KAZN: variants seen among roughly 807,000 people sequenced by gnomAD.
The protein encoded by KAZN is kazrin.
A neutral mutation model predicts 87.4 loss-of-function variants in KAZN; 40 were observed. The ratio of observed to expected loss-of-function variants is 0.46; its 90% CI spans 0.36 to 0.60. KAZN has a LOEUF of 0.60. Among genes scored for constraint, KAZN ranks in the 20% least tolerant of loss-of-function variants. KAZN has a pLI of 0.00. For synonymous variants in KAZN, 466 were observed against 458.3 expected, an observed-to-expected ratio of 1.02 and a Z score of -0.22; for missense variants, 898 against 1,073.9, an observed-to-expected ratio of 0.84 and a Z score of 2.29.
intron 8 of KAZN, among the ~76,000 whole-genome samples, chr1:15,093,525 T>C (rs1446906379): frequency 6.6e-6 from 1 of 152,146 alleles, no homozygotes; most frequent in Non-Finnish European, 1.5e-5. Flanking sequence ...AAATAATCAT[T>C]CGTGCCTTTG....
chr1:15,057,078 G>A (rs187586054), intron 5 of KAZN, among the ~76,000 whole-genome samples: 2 of 152,368 alleles, frequency 1.3e-5, no homozygotes, highest in South Asian at 2.1e-4. Context: ...ACACAGCCCT[G>A]ACCTACAAGG....
chr1:14,176,825 C>T (rs953816652), intron 1 of KAZN, among the ~76,000 whole-genome samples: 1 of 152,172 alleles, frequency 6.6e-6, no homozygotes, highest in African/African-American at 2.4e-5. Context: ...ATCTTTAACA[C>T]AGTCTACCTT....
chr1:14,229,647 AG>A lies in KAZN; in HGVS notation c.249+49058del, dbSNP rs984645391. On this transcript the variant is annotated intron_variant, in intron 2 of 16. Transcript: ENST00000636203. ...ATCTTATTCATATAAGGGCCCTCTAAGGGTGTCCTTCACCTAACATCAGTCA... is the reference window on the plus strand; with the variant it reads ...ATCTTATTCATATAAGGGCCCTCTAAGGTGTCCTTCACCTAACATCAGTCA... Among the ~76,000 whole-genome samples, 6 of 152,252 alleles carry A rather than the reference AG, an allele frequency of 3.9e-5. No individual in the cohort carries two copies. In the South Asian group the frequency reaches 1.0e-3, roughly 26 times the overall value.
At chr1:14,378,430 G>A (rs578055806) in intron 2 of KAZN, among the ~76,000 whole-genome samples, 1 of 152,206 alleles carries the variant, frequency 6.6e-6, no homozygotes. Flanking sequence ...CAAAAATCAG[G>A]TGAATACTCC....
intron 2 of KAZN, among the ~76,000 whole-genome samples, chr1:14,553,317 C>T (rs896113557): frequency 1.1e-4 from 16 of 152,086 alleles, no homozygotes; most frequent in African/African-American, 2.4e-4. Flanking sequence ...GCCAAGATCG[C>T]GCCACTGCAC....
intron 1 of KAZN, among the ~76,000 whole-genome samples, chr1:14,098,844 T>C (rs1338458562): frequency 1.3e-5 from 2 of 152,238 alleles, no homozygotes; most frequent in African/African-American, 2.4e-5. Context: ...TTCTCATGTA[T>C]GCCTTCTGCT....
chr1:15,091,182 T>G lies in KAZN; in HGVS notation c.1223-2998T>G, dbSNP rs547879833. ...TCACTTCTTTTCCAGAGACAGACTT[T>G]TCATGTTGATCCATCTAGTACTTTA... is the stretch of plus-strand genomic sequence containing the variant. On this transcript the variant is annotated intron_variant, in intron 8 of 14. Transcript: ENST00000376030. Among the ~76,000 whole-genome samples, 3 of 152,306 alleles carry G rather than the reference T, an allele frequency of 2.0e-5. No individual in the cohort carries two copies. In the South Asian group the frequency reaches 6.2e-4, roughly 32 times the overall value.
At chr1:13,958,397 C>T (rs549299878) in intron 1 of KAZN, among the ~76,000 whole-genome samples, 2 of 151,774 alleles carry the variant, frequency 1.3e-5, no homozygotes, top group African/African-American at 2.4e-5. Flanking sequence ...GGTGAAACCC[C>T]GTCTCTACTA....
At chr1:14,520,561 C>T (rs1009323015) in intron 2 of KAZN, among the ~76,000 whole-genome samples, 2 of 152,162 alleles carry the variant, frequency 1.3e-5, no homozygotes, top group Non-Finnish European at 2.9e-5. Context: ...CAAGAGAGCT[C>T]CTCTGACTTC....
intron 2 of KAZN, among the ~76,000 whole-genome samples, chr1:14,201,587 C>T (rs534720245): frequency 4.5e-4 from 69 of 152,348 alleles, no homozygotes; most frequent in African/African-American, 1.5e-3. Context: ...GCCCCAGCAT[C>T]AGTGCATCTC....
intron 2 of KAZN, among the ~76,000 whole-genome samples, chr1:14,994,510 G>C (rs1007090369): frequency 6.6e-6 from 1 of 152,250 alleles, no homozygotes; most frequent in Non-Finnish European, 1.5e-5. Flanking sequence ...ACACAGTTGA[G>C]CATTTCTCAG....
At chr1:14,799,203 C>A (rs804130) in intron 1 of KAZN, among the ~76,000 whole-genome samples, 99,322 of 152,082 alleles carry the variant, frequency 0.65, 32,547 homozygotes, top group East Asian at 0.73. Context: ...TGTTTAAGGC[C>A]CCCTCTTAAT....
At chr1:14,319,859 G>T (rs1439911566) in intron 2 of KAZN, among the ~76,000 whole-genome samples, 1 of 152,164 alleles carries the variant, frequency 6.6e-6, no homozygotes, top group Admixed American at 6.5e-5. Context: ...GAAGCAGAAG[G>T]TCTTTATAGA....
chr1:14,098,710 A>T (rs1434052656), intron 1 of KAZN, among the ~76,000 whole-genome samples: 1 of 152,184 alleles, frequency 6.6e-6, no homozygotes, highest in Non-Finnish European at 1.5e-5. Flanking sequence ...GAGTAGCTCC[A>T]CTGGAGACCA....
intron 1 of KAZN, among the ~76,000 whole-genome samples, chr1:14,623,409 C>T (rs1045594517): frequency 2.6e-5 from 4 of 152,068 alleles, no homozygotes; most frequent in Non-Finnish European, 4.4e-5. Flanking sequence ...TAAGTGGGAG[C>T]GAAACATTGA....
intron 2 of KAZN, among the ~76,000 whole-genome samples, chr1:14,574,269 G>T (rs138636294): frequency 1.3e-5 from 2 of 152,310 alleles, no homozygotes; most frequent in East Asian, 3.9e-4. Flanking sequence ...TTGAAGTAAA[G>T]TTCTCTTTCT....
At chr1:14,050,492 A>G (rs1235724203) in intron 1 of KAZN, among the ~76,000 whole-genome samples, 1 of 152,192 alleles carries the variant, frequency 6.6e-6, no homozygotes, top group Admixed American at 6.5e-5. Context: ...GTCTCACATG[A>G]CAGCAGTTGG....
intron 2 of KAZN, among the ~76,000 whole-genome samples, chr1:14,467,674 C>CAAA (rs36034022): frequency 0.041 from 3,136 of 77,258 alleles, 240 homozygotes; most frequent in African/African-American, 0.15. Flanking sequence ...ATCCAAAAGG[C>CAAA]AAAAAAAAAA....
At chr1:14,794,755 A>G (rs1434833635) in intron 1 of KAZN, among the ~76,000 whole-genome samples, 8 of 152,136 alleles carry the variant, frequency 5.3e-5, no homozygotes, top group Admixed American at 5.2e-4. Context: ...GAAGGATGCA[A>G]AGTATTGTTT....
Sources: gnomAD v4.1 joint callset for allele counts (sites outside exome capture counted in the v4.1 genomes callset) on GRCh38, gnomAD v4.1.1 for gene constraint, MANE v1.5 for transcripts, NCBI Gene and HGNC (gene_info 2026-07-23, HGNC 2026-07-21) for gene names.